PDE9A: variants seen among roughly 807,000 people sequenced by gnomAD.
The protein encoded by PDE9A is high affinity cGMP-specific 3',5'-cyclic phosphodiesterase 9A.
Under a neutral mutation model 87.4 loss-of-function variants are expected in PDE9A, and 60 were observed. The ratio of observed to expected loss-of-function variants is 0.69; its 90% CI spans 0.56 to 0.85. The LOEUF (loss-of-function observed/expected upper bound fraction) is 0.85, where lower values mean the gene tolerates loss of function less well. Among genes scored for constraint, PDE9A ranks in the 40% least tolerant of loss-of-function variants. PDE9A has a pLI of 0.00. For synonymous variants in PDE9A, 272 were observed against 279.4 expected (o/e 0.97, Z 0.27); for missense variants, 665 against 779.0 (o/e 0.85, Z 1.74).
chr21:42,655,565 G>T (rs988921510), intron 1 of PDE9A, among the ~76,000 whole-genome samples: 1 of 152,164 alleles, frequency 6.6e-6, no homozygotes, highest in African/African-American at 2.4e-5. Flanking sequence ...CGGGGGAGAG[G>T]CGGATTGACT....
intron 8 of PDE9A, among the ~76,000 whole-genome samples, chr21:42,747,703 G>A (rs895839270): frequency 3.9e-5 from 6 of 152,192 alleles, no homozygotes; most frequent in African/African-American, 9.7e-5. Flanking sequence ...CAGGGGCCAC[G>A]GCCACTCTGG....
intron 8 of PDE9A, among the ~76,000 whole-genome samples, chr21:42,745,273 T>C (rs1009384935): frequency 1.3e-4 from 20 of 152,116 alleles, no homozygotes; most frequent in Admixed American, 9.8e-4. Context: ...AAGCAGGCCT[T>C]GTCTGAGCCA....
intron 1 of PDE9A, among the ~76,000 whole-genome samples, chr21:42,661,220 G>A (rs955364234): frequency 1.1e-4 from 16 of 151,888 alleles, no homozygotes; most frequent in African/African-American, 2.9e-4. Context: ...TAGTAGAGAC[G>A]GGGTTTCAGC....
rs1007886362 is a variant in PDE9A, at chr21:42,694,925, G to A, written c.219-4043G>A. On this transcript the variant is annotated intron_variant, in intron 3 of 19. Transcript: ENST00000291539. This position sits in a 1 kb window ranked among gnomAD's most constrained non-coding sequence, Gnocchi z 5.3. ...GCATGAATGCCCACCCCAGCCCAGC[G>A]GGCACTCCCCTTCTGCAAACCTCCA... Among the ~76,000 whole-genome samples the A allele has an allele frequency of 4.6e-5, 7 of 152,092 alleles. No homozygotes were observed. Among genetic ancestry groups the A allele is most frequent in the African/African-American group, 1.4e-4 (6 of 41,490 alleles).
intron 6 of PDE9A, among the ~76,000 whole-genome samples, chr21:42,733,141 C>G (rs570825409): frequency 1.3e-5 from 2 of 152,318 alleles, no homozygotes; most frequent in African/African-American, 4.8e-5. Context: ...CCAGAAAATA[C>G]ACCTCATGAT....
intron 1 of PDE9A, among the ~76,000 whole-genome samples, chr21:42,682,600 G>C (rs571458984): frequency 1.4e-4 from 21 of 152,190 alleles, no homozygotes; most frequent in Non-Finnish European, 2.6e-4. Flanking sequence ...AGATTTCACC[G>C]GCAGTACTTA....
rs144418142 is a variant in PDE9A, at chr21:42,696,080, C to T, written c.219-2888C>T. Among the ~76,000 whole-genome samples the T allele has an allele frequency of 2.0e-3, 305 of 152,298 alleles. 2 individuals are homozygous for T. The highest frequency in any genetic ancestry group is 6.9e-3 in the African/African-American group (285 of 41,552). On this transcript the variant is annotated intron_variant, in intron 3 of 19. Coordinates refer to ENST00000291539, the MANE Select transcript of PDE9A (RefSeq NM_002606.3). This position sits in a 1 kb window ranked among gnomAD's most constrained non-coding sequence, Gnocchi z 5.1. ...CCTGCCCTCAGCTTACCAGACTCCT[C>T]GGAGAGGCTGGCCTCTGAATTGGTT...
intron 4 of PDE9A, among the ~76,000 whole-genome samples, chr21:42,714,878 G>A (rs1371404441): frequency 6.9e-6 from 1 of 144,316 alleles, no homozygotes; most frequent in Admixed American, 6.9e-5. Flanking sequence ...ACCAGTCTTT[G>A]TTGATATGGT....
In PDE9A at chr21:42,727,204, A is replaced by G. The variant is rs540196008; in HGVS notation, c.263-4566A>G. On this transcript the variant is annotated intron_variant, in intron 4 of 19. Coordinates refer to ENST00000291539, the MANE Select transcript of PDE9A (RefSeq NM_002606.3). ...ACCCATTAACATGGTCAGTCTTGCC[A>G]TTTGTTTATATCTTCTTTGATTTCT... Among the ~76,000 whole-genome samples the G allele has an allele frequency of 6.0e-5, 9 of 151,254 alleles. No homozygotes were observed. The South Asian group carries it at 1.9e-3, about 31-fold the overall frequency.
chr21:42,714,371 G>T (rs1395348324), intron 4 of PDE9A, among the ~76,000 whole-genome samples: 1 of 152,174 alleles, frequency 6.6e-6, no homozygotes, highest in Non-Finnish European at 1.5e-5. Flanking sequence ...TTTGTTATGT[G>T]GTGTGTCGCA....
In PDE9A at chr21:42,775,467, T is replaced by A; in HGVS notation, c.*174T>A. On this transcript the variant is annotated 3_prime_UTR_variant, in exon 20 of 20. Coordinates refer to ENST00000291539, the MANE Select transcript of PDE9A (RefSeq NM_002606.3). ...GAATTCATGATGCTGTACAGAATTT[T>A]ATTTTTAAACTGTCTTTTAAATAAT... is the stretch of plus-strand genomic sequence containing the variant. 1 of 522,966 alleles carries A rather than the reference T, an allele frequency of 1.9e-6. No homozygotes were observed. The highest frequency in any genetic ancestry group is 3.4e-6 in the Non-Finnish European group (1 of 292,920). The allele number at this position is 522,966 out of a possible 1,614,324, so 32.4% of individuals were successfully genotyped here.
rs571458984 is a variant in PDE9A, at chr21:42,682,600, G to A, written c.70-3592G>A. On this transcript the variant is annotated intron_variant, in intron 1 of 19. Coordinates refer to ENST00000291539, the MANE Select transcript of PDE9A (RefSeq NM_002606.3). ...AAAAAGCTCTCCTCCAGATTTCACC[G>A]GCAGTACTTATAAATTTGATGAACC... 1.1e-4 allele frequency among the ~76,000 whole-genome samples: 16 copies of A among 152,308 alleles called. No individual in the cohort carries two copies. The East Asian group carries it at 2.1e-3, about 20-fold the overall frequency.
chr21:42,690,581 C>G (rs1473753245), intron 3 of PDE9A, among the ~76,000 whole-genome samples: 1 of 151,976 alleles, frequency 6.6e-6, no homozygotes, highest in East Asian at 1.9e-4. Flanking sequence ...TATTTGTCCC[C>G]CAGGCTGGTG....
rs1235475930 is a variant in PDE9A, at chr21:42,705,330, A to G, written c.262+6319A>G. Among the ~76,000 whole-genome samples, 3 of 152,212 alleles carry G rather than the reference A, an allele frequency of 2.0e-5. No individual in the cohort carries two copies. Among genetic ancestry groups the G allele is most frequent in the Non-Finnish European group, 4.4e-5 (3 of 68,044 alleles). On this transcript the variant is annotated intron_variant, in intron 4 of 19. Coordinates refer to ENST00000291539, the MANE Select transcript of PDE9A (RefSeq NM_002606.3). This position sits in a 1 kb window ranked among gnomAD's most constrained non-coding sequence, Gnocchi z 4.3. ...ATTTTTTGGAAAATCCTTGAGCCTC[A>G]ATCACTTTTATTTGATGTAAGCCGC...
intron 3 of PDE9A, chr21:42,689,687 T>G (rs548113960): frequency 1.0e-6 from 1 of 985,300 alleles, no homozygotes; most frequent in African/African-American, 1.7e-5. Context: ...CCCAGGTGCC[T>G]TATTAACAAG....
At chr21:42,774,938 CT>C (rs370129435) in intron 19 of PDE9A, among the ~76,000 whole-genome samples, 20 of 146,072 alleles carry the variant, frequency 1.4e-4, no homozygotes, top group East Asian at 1.2e-3. Context: ...ACTGCTGGCA[CT>C]TTTTTTTTTC....
chr21:42,661,458 C>A (rs570365402), intron 1 of PDE9A, among the ~76,000 whole-genome samples: 1 of 138,000 alleles, frequency 7.2e-6, no homozygotes, highest in Admixed American at 7.4e-5. Flanking sequence ...CTGCTGAGTG[C>A]GGGGACCTCA....
intron 1 of PDE9A, 39 bp downstream of exon 1, chr21:42,653,922 G>T: frequency 3.2e-6 from 4 of 1,248,050 alleles, no homozygotes; most frequent in Non-Finnish European, 4.5e-6. Context: ...TCCTCCCCCC[G>T]GGTGACAGCG....
chr21:42,679,324 C>T (rs915429336), intron 1 of PDE9A, among the ~76,000 whole-genome samples: 8 of 152,226 alleles, frequency 5.3e-5, no homozygotes, highest in African/African-American at 1.4e-4. Context: ...CCTCATCCCT[C>T]GCTCCGTCTC....
Sources: allele counts gnomAD v4.1 joint callset (sites outside exome capture counted in the v4.1 genomes callset), GRCh38; gene constraint gnomAD v4.1.1; non-coding constraint Gnocchi (gnomAD v3.1); transcripts MANE v1.5; gene names NCBI Gene and HGNC (gene_info 2026-07-23, HGNC 2026-07-21).